SORCS3: variants seen among roughly 807,000 people sequenced by gnomAD.
The protein encoded by SORCS3 is VPS10 domain-containing receptor SorCS3.
A neutral mutation model predicts 146.3 loss-of-function variants in SORCS3; 57 were observed. The ratio of observed to expected loss-of-function variants is 0.39; its 90% CI spans 0.31 to 0.49. The LOEUF (loss-of-function observed/expected upper bound fraction) is 0.49, where lower values mean the gene tolerates loss of function less well. Among genes scored for constraint, SORCS3 ranks in the 20% least tolerant of loss-of-function variants. The pLI is 0.92. For synonymous variants in SORCS3, 653 were observed against 618.5 expected, an observed-to-expected ratio of 1.06 and a Z score of -0.83; for missense variants, 1,341 against 1,575.5, an observed-to-expected ratio of 0.85 and a Z score of 2.52.
In SORCS3 at chr10:105,200,023, C is replaced by A; in HGVS notation, c.2034C>A (p.Arg678=). The change falls in exon 15 of 27, where the codon CGC becomes CGA. Residue 678 remains arginine, a synonymous_variant. Transcript: ENST00000369701. The stretch of plus-strand genomic sequence containing the variant: ...GAGTTTTTGGCCACTTCAGCCTCCG[C>A]TCCGAATGGCAATTGGTGAAAGTGG... The part of the protein sequence containing the change: ...IMTVFGHFSL[R]SEWQLVKVDY... 6.2e-7 allele frequency: 1 copy of A among 1,613,644 alleles called. No homozygotes were observed. Among genetic ancestry groups the A allele is most frequent in the South Asian group, 1.1e-5 (1 of 91,064 alleles).
chr10:104,928,167 G>A (rs553430360), intron 3 of SORCS3, among the ~76,000 whole-genome samples: 1 of 152,254 alleles, frequency 6.6e-6, no homozygotes, highest in South Asian at 2.1e-4. Context: ...GCCCAGGGAT[G>A]GAGTTAGGAC....
chr10:105,044,896 T>C (rs1269003898), intron 5 of SORCS3, among the ~76,000 whole-genome samples: 2 of 151,964 alleles, frequency 1.3e-5, no homozygotes, highest in Non-Finnish European at 2.9e-5. Context: ...TGGAGGTTTT[T>C]CAATAGACTG....
intron 7 of SORCS3, among the ~76,000 whole-genome samples, chr10:105,127,377 G>A (rs1268115889): frequency 1.3e-5 from 2 of 152,096 alleles, no homozygotes; most frequent in African/African-American, 4.8e-5. Flanking sequence ...GATTTTAGAA[G>A]CCTAGCAAAG....
chr10:105,029,155 C>A (rs1426202738), intron 4 of SORCS3, among the ~76,000 whole-genome samples: 1 of 152,136 alleles, frequency 6.6e-6, no homozygotes, highest in Non-Finnish European at 1.5e-5. Flanking sequence ...ATTCTATTCC[C>A]AGAGATTCTG....
intron 4 of SORCS3, among the ~76,000 whole-genome samples, chr10:105,019,911 G>A (rs1389611628): frequency 6.6e-6 from 1 of 152,150 alleles, no homozygotes; most frequent in East Asian, 1.9e-4. Context: ...CATTTTTCTG[G>A]ACTGAGGTTG....
chr10:104,878,827 A>G (rs2018601971), intron 2 of SORCS3, among the ~76,000 whole-genome samples: 1 of 152,220 alleles, frequency 6.6e-6, no homozygotes, highest in Non-Finnish European at 1.5e-5. Context: ...AGGGATTTGC[A>G]CGATGTGTTG....
intron 5 of SORCS3, among the ~76,000 whole-genome samples, chr10:105,076,093 C>T (rs184887596): frequency 2.6e-5 from 4 of 152,288 alleles, no homozygotes; most frequent in East Asian, 1.9e-4. Context: ...TTAATGTGTT[C>T]TTGCATCATT....
At chr10:105,017,542 A>T (rs1359608164) in intron 4 of SORCS3, among the ~76,000 whole-genome samples, 1 of 152,236 alleles carries the variant, frequency 6.6e-6, no homozygotes, top group Non-Finnish European at 1.5e-5. Context: ...GGAGGCACTC[A>T]TGGGCTTTAT....
chr10:105,192,440 A>G (rs536021348), intron 14 of SORCS3, among the ~76,000 whole-genome samples: 35 of 152,216 alleles, frequency 2.3e-4, no homozygotes, highest in Non-Finnish European at 4.1e-4. Context: ...GCAGTAACAG[A>G]AAGAAGAAAC....
intron 1 of SORCS3, among the ~76,000 whole-genome samples, chr10:104,713,674 A>G (rs554808003): frequency 8.5e-5 from 13 of 152,214 alleles, no homozygotes; most frequent in Admixed American, 7.9e-4. Context: ...TTTTTTTTAT[A>G]TATTGTTGAG....
At chr10:105,036,363 C>G (rs2055306751) in intron 4 of SORCS3, among the ~76,000 whole-genome samples, 3 of 152,120 alleles carry the variant, frequency 2.0e-5, no homozygotes, top group Admixed American at 2.0e-4. Flanking sequence ...TGTGTTTCTT[C>G]CCATCTAAGT....
intron 20 of SORCS3, among the ~76,000 whole-genome samples, chr10:105,228,323 A>C (rs1026705964): frequency 2.0e-5 from 3 of 150,152 alleles, no homozygotes; most frequent in Non-Finnish European, 3.0e-5. Flanking sequence ...CCTGCCCTCC[A>C]TCACTCCCTC....
At chr10:105,192,110 G>C (rs1179284487) in intron 14 of SORCS3, among the ~76,000 whole-genome samples, 4 of 151,986 alleles carry the variant, frequency 2.6e-5, no homozygotes, top group Admixed American at 2.0e-4. Flanking sequence ...TAATAAATTT[G>C]TATGCCTTTG....
At chr10:104,931,620 C>T (rs890710727) in intron 3 of SORCS3, among the ~76,000 whole-genome samples, 1 of 152,148 alleles carries the variant, frequency 6.6e-6, no homozygotes, top group African/African-American at 2.4e-5. Flanking sequence ...TGAGAAAAGA[C>T]TCCAAACAGA....
chr10:104,887,104 G>A (rs140812024), intron 2 of SORCS3, among the ~76,000 whole-genome samples: 12 of 152,294 alleles, frequency 7.9e-5, no homozygotes, highest in Admixed American at 3.9e-4. Context: ...TTTAGTTGGG[G>A]AGACAAAAGA....
At chr10:104,836,809 C>T (rs2018073971) in intron 1 of SORCS3, among the ~76,000 whole-genome samples, 1 of 152,030 alleles carries the variant, frequency 6.6e-6, no homozygotes, top group South Asian at 2.1e-4. Context: ...CATACTGCTC[C>T]ATCTCCATGC....
Position 105,260,008 on chromosome 10 carries a change from C to T in SORCS3, c.3444-2323C>T, listed in dbSNP as rs144368585. ...CTTATATTCTCAACAGTCCTACAAGCGGATGTGTTAAGAAATGAAAAGCAA... is the reference window on the plus strand; with the variant it reads ...CTTATATTCTCAACAGTCCTACAAGTGGATGTGTTAAGAAATGAAAAGCAA... On this transcript the variant is annotated intron_variant, in intron 25 of 26. Transcript: ENST00000369701. Among the ~76,000 whole-genome samples the T allele has an allele frequency of 1.1e-4, 16 of 152,160 alleles. No homozygotes were observed. In the East Asian group the frequency reaches 3.1e-3, roughly 29 times the overall value.
At chr10:105,040,042 A>G (rs2133702258) in intron 4 of SORCS3, among the ~76,000 whole-genome samples, 1 of 152,250 alleles carries the variant, frequency 6.6e-6, no homozygotes, top group South Asian at 2.1e-4. Flanking sequence ...TGGGTTATAG[A>G]AGGTTCCATC....
At chr10:105,043,833 T>A (rs1390248111) in intron 5 of SORCS3, among the ~76,000 whole-genome samples, 2 of 152,200 alleles carry the variant, frequency 1.3e-5, no homozygotes, top group Non-Finnish European at 1.5e-5. Context: ...AAATGGAATA[T>A]AAGCCCTTCC....
Sources: gnomAD v4.1 joint callset for allele counts (sites outside exome capture counted in the v4.1 genomes callset) on GRCh38, gnomAD v4.1.1 for gene constraint, MANE v1.5 for transcripts, NCBI Gene and HGNC (gene_info 2026-07-23, HGNC 2026-07-21) for gene names.